ARHGAP24: variants seen among roughly 807,000 people sequenced by gnomAD.
ARHGAP24 encodes Rho GTPase activating protein 24, also known as rho GTPase-activating protein 24.
A neutral mutation model predicts 76.4 loss-of-function variants in ARHGAP24; 50 were observed. The ratio of observed to expected loss-of-function variants is 0.65; its 90% CI spans 0.52 to 0.83. The LOEUF (loss-of-function observed/expected upper bound fraction) is 0.83. ARHGAP24 is among the 40% of genes least tolerant of loss of function. The probability of loss-of-function intolerance (pLI) is 0.00; values close to 1 mark genes in which losing one functional copy is unlikely to be tolerated. For synonymous variants in ARHGAP24, 345 were observed against 323.3 expected (o/e 1.07, Z -0.72); for missense variants, 930 against 914.2 (o/e 1.02, Z -0.22).
At chr4:85,734,438 C>G (rs1725528191) in intron 3 of ARHGAP24, among the ~76,000 whole-genome samples, 1 of 152,058 alleles carries the variant, frequency 6.6e-6, no homozygotes, top group Admixed American at 6.6e-5. Flanking sequence ...TACACCAATG[C>G]TTTAAATACA....
chr4:85,868,708 T>C (rs1732350469), intron 3 of ARHGAP24, among the ~76,000 whole-genome samples: 1 of 152,130 alleles, frequency 6.6e-6, no homozygotes, highest in Admixed American at 6.6e-5. Context: ...GTAATACTCA[T>C]GTAATGTGTT....
chr4:85,666,172 T>G (rs1447168635), intron 2 of ARHGAP24, among the ~76,000 whole-genome samples: 1 of 152,220 alleles, frequency 6.6e-6, no homozygotes, highest in Non-Finnish European at 1.5e-5. Flanking sequence ...GTAGATTTGG[T>G]CTTTTCACAT....
chr4:85,825,798 C>T (rs1488718025), intron 3 of ARHGAP24, among the ~76,000 whole-genome samples: 2 of 152,124 alleles, frequency 1.3e-5, no homozygotes, highest in African/African-American at 4.8e-5. Context: ...AGAAGTTTTC[C>T]GGGTGACTTG....
chr4:85,509,929 A>G (rs1332254900), intron 1 of ARHGAP24, among the ~76,000 whole-genome samples: 2 of 152,222 alleles, frequency 1.3e-5, no homozygotes, highest in Non-Finnish European at 2.9e-5. Flanking sequence ...CCTAATAAAT[A>G]CAATATTTGA....
At chr4:85,980,539 C>T (rs1242252056) in intron 8 of ARHGAP24, among the ~76,000 whole-genome samples, 2 of 152,132 alleles carry the variant, frequency 1.3e-5, no homozygotes, top group Non-Finnish European at 2.9e-5. Flanking sequence ...TTTACATGTG[C>T]TCTTTTAATC....
chr4:85,949,693 C>G (rs1481992134), intron 5 of ARHGAP24, among the ~76,000 whole-genome samples: 1 of 152,144 alleles, frequency 6.6e-6, no homozygotes, highest in Non-Finnish European at 1.5e-5. Flanking sequence ...ACTGCATACT[C>G]TTGGTCAATG....
chr4:85,765,274 G>A (rs1726886237), intron 3 of ARHGAP24, among the ~76,000 whole-genome samples: 1 of 152,096 alleles, frequency 6.6e-6, no homozygotes, highest in Admixed American at 6.6e-5. Flanking sequence ...TTTGTGAATT[G>A]GATTGTGCAG....
intron 2 of ARHGAP24, among the ~76,000 whole-genome samples, chr4:85,583,163 T>C (rs565912046): frequency 6.6e-5 from 10 of 152,286 alleles, no homozygotes; most frequent in Non-Finnish European, 1.5e-4. Flanking sequence ...TTGTCTAGTG[T>C]AACTAACTCA....
At chr4:85,786,995 T>G (rs563035623) in intron 3 of ARHGAP24, among the ~76,000 whole-genome samples, 21 of 152,332 alleles carry the variant, frequency 1.4e-4, no homozygotes, top group African/African-American at 4.8e-4. Flanking sequence ...TCAGCTGGAC[T>G]GTAAGCTCTT....
At chr4:85,709,086 T>C (rs550522009) in intron 2 of ARHGAP24, among the ~76,000 whole-genome samples, 1 of 152,308 alleles carries the variant, frequency 6.6e-6, no homozygotes, top group East Asian at 1.9e-4. Context: ...TAAGGATAGA[T>C]AAATAAATAG....
intron 1 of ARHGAP24, among the ~76,000 whole-genome samples, chr4:85,561,569 A>C (rs1462087454): frequency 6.6e-6 from 1 of 152,190 alleles, no homozygotes; most frequent in Non-Finnish European, 1.5e-5. Flanking sequence ...AATTATTTAA[A>C]TATTTTTCGT....
chr4:85,724,501 A>G (rs555667064), intron 3 of ARHGAP24, among the ~76,000 whole-genome samples: 2 of 8,162 alleles, frequency 2.5e-4, no homozygotes, highest in Admixed American at 9.8e-4. Flanking sequence ...GTATATATAT[A>G]TATATATATA....
At chr4:85,594,010 G>A (rs1728218693) in intron 2 of ARHGAP24, among the ~76,000 whole-genome samples, 1 of 151,920 alleles carries the variant, frequency 6.6e-6, no homozygotes. Context: ...TATTTTTATA[G>A]GGATTGCATT....
chr4:85,973,843 T>G (rs1162309901), intron 6 of ARHGAP24, among the ~76,000 whole-genome samples: 2 of 124,454 alleles, frequency 1.6e-5, no homozygotes, highest in South Asian at 2.6e-4. Context: ...GTTTTTTTTT[T>G]TTTTTTTTTT....
chr4:85,746,446 A>G (rs984470888), intron 3 of ARHGAP24, among the ~76,000 whole-genome samples: 7 of 152,180 alleles, frequency 4.6e-5, no homozygotes, highest in African/African-American at 1.7e-4. Flanking sequence ...CTTAATTTCA[A>G]GAGAAGCATT....
chr4:85,921,891 A>G lies in ARHGAP24; in HGVS notation c.269-1757A>G, dbSNP rs1003589394. Among the ~76,000 whole-genome samples, 7 of 152,234 alleles carry G rather than the reference A, an allele frequency of 4.6e-5. No individual in the cohort carries two copies. In the East Asian group the frequency reaches 7.8e-4, roughly 17 times the overall value. On this transcript the variant is annotated intron_variant, in intron 3 of 9. Transcript: ENST00000395184. ...AACGCCTGATGATCTAAGGTGGAAC[A>G]GTTCCATTCCGAAACCATCCCCCCC...
chr4:85,680,277 A>G (rs548553574), intron 2 of ARHGAP24, among the ~76,000 whole-genome samples: 9 of 152,320 alleles, frequency 5.9e-5, no homozygotes, highest in African/African-American at 2.2e-4. Flanking sequence ...ATTTCAAAAC[A>G]AAAATAAATT....
At chr4:85,666,849 T>C (rs558142654) in intron 2 of ARHGAP24, among the ~76,000 whole-genome samples, 36 of 152,308 alleles carry the variant, frequency 2.4e-4, no homozygotes, top group African/African-American at 8.4e-4. Context: ...TGATCGTTCC[T>C]CTGGAAGTTT....
intron 3 of ARHGAP24, among the ~76,000 whole-genome samples, chr4:85,730,148 T>C (rs973833531): frequency 1.3e-5 from 2 of 152,234 alleles, no homozygotes; most frequent in African/African-American, 4.8e-5. Context: ...GTGACCAAAC[T>C]GAAATCTCTT....
Sources: allele counts gnomAD v4.1 joint callset (sites outside exome capture counted in the v4.1 genomes callset), GRCh38; gene constraint gnomAD v4.1.1; transcripts MANE v1.5; gene names NCBI Gene and HGNC (gene_info 2026-07-23, HGNC 2026-07-21).